Variants in HTR4 observed in about 807,000 individuals in gnomAD.
HTR4 encodes 5-hydroxytryptamine receptor 4.
A neutral mutation model predicts 36.8 loss-of-function variants in HTR4; 16 were observed. The ratio of observed to expected loss-of-function variants is 0.43; its 90% CI spans 0.29 to 0.66. The LOEUF is 0.66. Among genes scored for constraint, HTR4 ranks in the 30% least tolerant of loss-of-function variants. The probability of loss-of-function intolerance (pLI) is 0.13; values close to 1 mark genes in which losing one functional copy is unlikely to be tolerated. For synonymous variants in HTR4, 189 were observed against 185.1 expected (o/e 1.02, Z -0.17); for missense variants, 438 against 490.9 (o/e 0.89, Z 1.02).
chr5:148,559,121 T>C (rs1003411298), intron 2 of HTR4, among the ~76,000 whole-genome samples: 7 of 152,190 alleles, frequency 4.6e-5, no homozygotes, highest in African/African-American at 7.2e-5. Context: ...ACCTGACTGA[T>C]TGAGAGTTGG....
intron 2 of HTR4, among the ~76,000 whole-genome samples, chr5:148,626,576 C>T (rs1047635047): frequency 4.6e-5 from 7 of 152,164 alleles, no homozygotes; most frequent in Non-Finnish European, 1.0e-4. Flanking sequence ...AGGTGATTTG[C>T]TCTCATAAGC....
At chr5:148,478,441 CAG>C (rs560800555), downstream of HTR4, among the ~76,000 whole-genome samples, 9 of 152,242 alleles carry the variant, frequency 5.9e-5, no homozygotes, top group South Asian at 1.9e-3. Flanking sequence ...TTTCAGGAGA[CAG>C]TGTGCTTTCT....
intron 5 of HTR4, among the ~76,000 whole-genome samples, chr5:148,518,597 A>G (rs1307638941): frequency 6.6e-6 from 1 of 152,176 alleles, no homozygotes; most frequent in African/African-American, 2.4e-5. Flanking sequence ...AGGGCAAATA[A>G]TGTCATTCCT....
intron 5 of HTR4, among the ~76,000 whole-genome samples, chr5:148,465,582 G>A (rs759498026): frequency 3.0e-4 from 46 of 152,066 alleles, no homozygotes; most frequent in Non-Finnish European, 5.7e-4. Flanking sequence ...CAGCTCCATC[G>A]CAGTGCTCAT....
intron 5 of HTR4, among the ~76,000 whole-genome samples, chr5:148,515,577 T>C (rs1024776650): frequency 9.9e-5 from 15 of 152,284 alleles, no homozygotes; most frequent in African/African-American, 3.6e-4. Context: ...ATCTTAATGT[T>C]TAAAGCATAT....
At position 148,465,943 on chromosome 5, in the gene HTR4, A is replaced by C. The variant is rs199899293; in HGVS notation, c.1077-14671T>G. On this transcript the variant is annotated intron_variant, in intron 5 of 5. Transcript: ENST00000521530. The stretch of plus-strand genomic sequence containing the variant: ...AACAGCCACTTTTAGTTGAAACAGA[A>C]AACAGCCACAGATGAGGGAGAGCCA... The C allele has an allele frequency of 2.2e-5, 35 of 1,612,214 alleles. 1 individual carries two copies. In the South Asian group the frequency reaches 3.8e-4, roughly 17 times the overall value.
chr5:148,603,818 G>A (rs773894835), intron 2 of HTR4, among the ~76,000 whole-genome samples: 2 of 152,042 alleles, frequency 1.3e-5, no homozygotes, highest in Non-Finnish European at 2.9e-5. Context: ...AAATAAGATA[G>A]GGTGATATTG....
chr5:148,567,165 C>T (rs1760478148), intron 2 of HTR4, among the ~76,000 whole-genome samples: 1 of 152,020 alleles, frequency 6.6e-6, no homozygotes, highest in Non-Finnish European at 1.5e-5. Flanking sequence ...TTAGTTTTTG[C>T]CCATCCACCT....
chr5:148,481,706 C>G lies in HTR4; in HGVS notation c.*1497G>C. 2 of 1,456,082 alleles carry G rather than the reference C, an allele frequency of 1.4e-6. No individual in the cohort carries two copies. The highest frequency in any genetic ancestry group is 1.4e-5 in the African/African-American group (1 of 69,988). 90.2% of individuals were successfully genotyped at this position (1,456,082 alleles called of 1,614,324 possible). On this transcript the variant is annotated 3_prime_UTR_variant, in exon 7 of 7. Transcript: ENST00000377888. ...AAAAAAGAGAATATGATAAATAATCCTGAGATGCTATTAAACCACAGCCAA... is the reference window on the plus strand; with the variant it reads ...AAAAAAGAGAATATGATAAATAATCGTGAGATGCTATTAAACCACAGCCAA...
intron 5 of HTR4, among the ~76,000 whole-genome samples, chr5:148,455,036 T>C (rs988095900): frequency 1.3e-5 from 2 of 152,204 alleles, no homozygotes; most frequent in Admixed American, 1.3e-4. Context: ...TAAGAAATCA[T>C]ACACAGCTCA....
chr5:148,476,812 G>A (rs1755713433), downstream of HTR4: 17 of 1,607,488 alleles, frequency 1.1e-5, no homozygotes, highest in Middle Eastern at 1.7e-4. Flanking sequence ...AAATGTCACA[G>A]GAGAAGAACA....
chr5:148,498,075 TC>T (rs1386882383), intron 6 of HTR4, among the ~76,000 whole-genome samples: 1 of 152,178 alleles, frequency 6.6e-6, no homozygotes, highest in Non-Finnish European at 1.5e-5. Flanking sequence ...ATTTTAGCAA[TC>T]AAAACCCTCT....
At chr5:148,509,166 GATT>G (rs1390389852) in intron 6 of HTR4, among the ~76,000 whole-genome samples, 1 of 152,128 alleles carries the variant, frequency 6.6e-6, no homozygotes, top group Non-Finnish European at 1.5e-5. Context: ...TAGATATAGT[GATT>G]ATTATCTTAA....
intron 5 of HTR4, among the ~76,000 whole-genome samples, chr5:148,456,801 A>G (rs1484696547): frequency 5.3e-5 from 8 of 152,246 alleles, no homozygotes; most frequent in African/African-American, 1.9e-4. Flanking sequence ...GAATTATCAC[A>G]AATGTTCTGG....
At chr5:148,586,624 C>T (rs890074114) in intron 2 of HTR4, among the ~76,000 whole-genome samples, 3 of 152,022 alleles carry the variant, frequency 2.0e-5, no homozygotes, top group South Asian at 4.2e-4. Flanking sequence ...GTCCCTCCCT[C>T]GACATGTGGG....
chr5:148,643,519 G>T (rs1333633350), intron 1 of HTR4, among the ~76,000 whole-genome samples: 2 of 151,742 alleles, frequency 1.3e-5, no homozygotes, highest in African/African-American at 4.8e-5. Flanking sequence ...GAATTTTGTG[G>T]GGAAAAAAAA....
intron 6 of HTR4, among the ~76,000 whole-genome samples, chr5:148,495,791 G>C (rs1756657979): frequency 6.6e-6 from 1 of 152,154 alleles, no homozygotes; most frequent in African/African-American, 2.4e-5. Context: ...AGTTAAGTTA[G>C]ATAAAGTTAT....
chr5:148,531,008 C>T (rs1444028142), intron 4 of HTR4, among the ~76,000 whole-genome samples: 1 of 152,198 alleles, frequency 6.6e-6, no homozygotes, highest in African/African-American at 2.4e-5. Flanking sequence ...CATATTTACC[C>T]AATGCCTATA....
At chr5:148,641,371 C>G (rs567831215) in intron 1 of HTR4, among the ~76,000 whole-genome samples, 1 of 152,106 alleles carries the variant, frequency 6.6e-6, no homozygotes, top group Non-Finnish European at 1.5e-5. Flanking sequence ...ACCATCTGGA[C>G]TAAGGTACAA....
Sources: allele counts gnomAD v4.1 joint callset (sites outside exome capture counted in the v4.1 genomes callset), GRCh38; gene constraint gnomAD v4.1.1; transcripts MANE v1.5; gene names NCBI Gene and HGNC (gene_info 2026-07-23, HGNC 2026-07-21).